The following STK31 variants were observed in gnomAD, a reference collection of about 807,000 sequenced individuals.
STK31 encodes the protein serine/threonine-protein kinase 31.
STK31 carries 89 observed loss-of-function variants against 129.7 expected under a neutral mutation model. The observed-to-expected ratio is 0.69, with a 90% CI of 0.58 to 0.82. STK31 has a LOEUF of 0.82. Ranked by LOEUF, STK31 falls within the 40% of genes least tolerant of loss-of-function variation. The pLI is 0.00. For synonymous variants in STK31, 448 were observed against 395.3 expected, an observed-to-expected ratio of 1.13 and a Z score of -1.58; for missense variants, 1,187 against 1,176.4, an observed-to-expected ratio of 1.01 and a Z score of -0.13.
chr7:23,787,741 T>TAC (rs71888376), intron 20 of STK31, among the ~76,000 whole-genome samples: 4,315 of 145,544 alleles, frequency 0.03, 59 homozygotes, highest in East Asian at 0.032. Context: ...GGTATGATTG[T>TAC]ACACACACAC....
At chr7:23,785,655 T>C in intron 18 of STK31, 52 bp downstream of exon 18, 1 of 1,559,958 alleles carries the variant, frequency 6.4e-7, no homozygotes, top group Non-Finnish European at 8.7e-7. Context: ...TAAAGGATAG[T>C]GGTGCTGTTA....
intron 23 of STK31, among the ~76,000 whole-genome samples, chr7:23,823,001 G>A (rs1324968786): frequency 6.6e-6 from 1 of 152,124 alleles, no homozygotes; most frequent in African/African-American, 2.4e-5. Flanking sequence ...TATCATTGTT[G>A]GACATTTGGG....
chr7:23,720,479 A>T (rs1419645371), intron 4 of STK31, among the ~76,000 whole-genome samples: 1 of 151,518 alleles, frequency 6.6e-6, no homozygotes, highest in Non-Finnish European at 1.5e-5. Context: ...ACACGTAACA[A>T]TTTTTTTTTC....
In STK31 at chr7:23,762,937, A is replaced by G; in HGVS notation, c.1416+14A>G. On this transcript the variant is annotated intron_variant, in intron 11 of 23. Coordinates refer to ENST00000355870, the MANE Select transcript of STK31 (RefSeq NM_031414.5). ...AAAACATTGCAGGTTGGAATTAAAA[A>G]TATATTAAATATACGTTAAATTGTA... The G allele has an allele frequency of 6.5e-7, 1 of 1,527,366 alleles. No homozygotes were observed. Among genetic ancestry groups the G allele is most frequent in the East Asian group, 2.4e-5 (1 of 42,042 alleles). The allele number at this position is 1,527,366 out of a possible 1,614,324, so 94.6% of individuals were successfully genotyped here. A position where few individuals can be genotyped will look rare whatever the true frequency, so the allele number is the denominator to read the frequency against.
In STK31 at chr7:23,713,960, G is replaced by A. The variant is rs1786140975; in HGVS notation, c.150+1674G>A. ...ATAATTGTATGTGCTGTGCTTTTGT[G>A]AGACTGGGGCACGGTAGGTTTACAC... is the stretch of plus-strand genomic sequence containing the variant. On this transcript the variant is annotated intron_variant, in intron 3 of 23. Coordinates refer to ENST00000355870, the MANE Select transcript of STK31 (RefSeq NM_031414.5). 2.0e-5 allele frequency among the ~76,000 whole-genome samples: 3 copies of A among 152,086 alleles called. No homozygotes were observed. The South Asian group carries it at 6.2e-4, about 32-fold the overall frequency.
At position 23,710,299 on chromosome 7, in the gene STK31, G is replaced by T. The variant is rs1258247759; in HGVS notation, c.14G>T (p.Gly5Val). The change falls in exon 1 of 24, where the codon GGT becomes GTT. Residue 5 changes from glycine to valine, a missense_variant. Gly to Val is a moderately radical substitution (Grantham distance 109). This residue lies in a region of STK31 where 104 missense variants were observed against 98.3 expected (regional missense o/e 1.06). Coordinates refer to ENST00000355870, the MANE Select transcript of STK31 (RefSeq NM_031414.5). MWVQ[G>V]HSSRASATES... ...CGAAAGTCCAGTATGTGGGTCCAGG[G>T]TCACTCTTCTAGAGCTTCCGCAACG... 3 of 1,613,204 alleles carry T rather than the reference G, an allele frequency of 1.9e-6. No individual in the cohort carries two copies. Among genetic ancestry groups the T allele is most frequent in the Non-Finnish European group, 1.7e-6 (2 of 1,179,944 alleles).
At chr7:23,812,183 T>G (rs1195077166) in intron 22 of STK31, among the ~76,000 whole-genome samples, 1 of 152,182 alleles carries the variant, frequency 6.6e-6, no homozygotes, top group Non-Finnish European at 1.5e-5. Context: ...TGATTTCACT[T>G]TCATTACTGA....
At chr7:23,714,613 G>T (rs1047639704) in intron 3 of STK31, among the ~76,000 whole-genome samples, 2 of 151,978 alleles carry the variant, frequency 1.3e-5, no homozygotes, top group Non-Finnish European at 2.9e-5. Context: ...TTTTAATATT[G>T]TCTTTGAAAT....
chr7:23,752,963 GAA>G (rs1479579521), intron 9 of STK31, 131 bp downstream of exon 9: 27 of 624,806 alleles, frequency 4.3e-5, no homozygotes, highest in Admixed American at 1.5e-4. Context: ...TTCAAAGAGA[GAA>G]AGATAGTTAT....
At chr7:23,767,272 C>G (rs1562584923) in intron 11 of STK31, among the ~76,000 whole-genome samples, 1 of 152,098 alleles carries the variant, frequency 6.6e-6, no homozygotes, top group East Asian at 1.9e-4. Context: ...CTCTTCTTAT[C>G]TCTCCTCAAG....
intron 22 of STK31, among the ~76,000 whole-genome samples, chr7:23,798,779 T>G (rs951055666): frequency 4.6e-5 from 7 of 152,014 alleles, no homozygotes; most frequent in Non-Finnish European, 1.0e-4. Flanking sequence ...GAAAGGGTAT[T>G]CAAATAGGAA....
chr7:23,729,321 G>GTTAAATCTTACT, intron 6 of STK31, 72 bp downstream of exon 6: 2 of 1,353,732 alleles, frequency 1.5e-6, no homozygotes, highest in South Asian at 1.6e-5. Flanking sequence ...TGTAGGTATA[G>GTTAAATCTTACT]TTAAATCTTA....
In STK31 at chr7:23,781,465, TAACTC is replaced by T. The variant is rs759532399; in HGVS notation, c.2014_2018del (p.Thr672AlafsTer4). On this transcript the variant is annotated frameshift_variant, in exon 16 of 24. Transcript: ENST00000355870. LOFTEE classifies it high-confidence loss of function. The stretch of plus-strand genomic sequence containing the variant: ...CAAATTGAGAAAATAAAAGAAGAAA[TAACTC>T]AGCTGCGCAATAATGTCTTTCAGGA... 3 of 1,611,556 alleles carry T rather than the reference TAACTC, an allele frequency of 1.9e-6. No individual in the cohort carries two copies. The highest frequency in any genetic ancestry group is 1.7e-4 in the Middle Eastern group (1 of 6,036).
chr7:23,732,772 T>G (rs1449860763), intron 6 of STK31, among the ~76,000 whole-genome samples: 1 of 152,214 alleles, frequency 6.6e-6, no homozygotes, highest in Admixed American at 6.5e-5. Context: ...ACAGGGTTTC[T>G]TGAAATATTA....
At chr7:23,800,456 A>G (rs1055833666) in intron 22 of STK31, among the ~76,000 whole-genome samples, 4 of 152,206 alleles carry the variant, frequency 2.6e-5, no homozygotes, top group Admixed American at 6.5e-5. Context: ...GGTGGAAGCC[A>G]TCATTCTCAG....
chr7:23,730,878 A>ATATATATATATATATATATTTTTTT, intron 6 of STK31, among the ~76,000 whole-genome samples: 18 of 59,504 alleles, frequency 3.0e-4, no homozygotes, highest in Admixed American at 1.1e-3. Context: ...ATATATATAT[A>ATATATATATATATATATATTTTTTT]TTTTTTTTTT....
chr7:23,811,997 T>C (rs1018719006), intron 22 of STK31, among the ~76,000 whole-genome samples: 1 of 152,198 alleles, frequency 6.6e-6, no homozygotes, highest in Non-Finnish European at 1.5e-5. Flanking sequence ...ATGAGAAGGA[T>C]AGTCTGTGGT....
chr7:23,814,828 T>C (rs772070552), intron 22 of STK31, among the ~76,000 whole-genome samples: 25 of 152,200 alleles, frequency 1.6e-4, no homozygotes, highest in Admixed American at 2.6e-4. Context: ...TTATTTTCTT[T>C]GTACCTAATT....
rs141454502 is a variant in STK31 at position 23,734,394 on chromosome 7, G to A, written c.484-1144G>A. Among the ~76,000 whole-genome samples the A allele has an allele frequency of 6.4e-4, 97 of 152,250 alleles. No individual in the cohort carries two copies. In the East Asian group the frequency reaches 0.015, roughly 23 times the overall value. On this transcript the variant is annotated intron_variant, in intron 6 of 23. Coordinates refer to ENST00000355870, the MANE Select transcript of STK31 (RefSeq NM_031414.5). ...TTACTTTTAATTTCCTTTATAGTAC[G>A]CACAGGGTGAAATTCAGGAAAATAA... is the stretch of plus-strand genomic sequence containing the variant.
Sources: allele counts gnomAD v4.1 joint callset (sites outside exome capture counted in the v4.1 genomes callset), GRCh38; gene constraint gnomAD v4.1.1; regional missense constraint gnomAD v4.1.1; transcripts MANE v1.5; gene names NCBI Gene and HGNC (gene_info 2026-07-23, HGNC 2026-07-21).